Variants in CPAMD8 observed in about 807,000 individuals in gnomAD.
CPAMD8 encodes the protein C3 and PZP-like alpha-2-macroglobulin domain-containing protein 8.
In CPAMD8, 146 loss-of-function variants were observed where a neutral mutation model predicts 224.7. That is an observed-to-expected ratio of 0.65 (90% CI 0.57 to 0.75). CPAMD8 has a LOEUF of 0.75. Among genes scored for constraint, CPAMD8 ranks in the 30% least tolerant of loss-of-function variants. The probability of loss-of-function intolerance (pLI) is 0.00; values close to 1 mark genes in which losing one functional copy is unlikely to be tolerated. For synonymous variants in CPAMD8, 966 were observed against 1,044.6 expected, an observed-to-expected ratio of 0.92 and a Z score of 1.45; for missense variants, 2,301 against 2,537.5, an observed-to-expected ratio of 0.91 and a Z score of 2.00.
chr19:16,936,659 G>A (rs1251008802), intron 23 of CPAMD8, among the ~76,000 whole-genome samples: 10 of 151,914 alleles, frequency 6.6e-5, no homozygotes, highest in Non-Finnish European at 1.2e-4. Flanking sequence ...CACCTGCCTC[G>A]GCCTCCCAAA....
intron 12 of CPAMD8, among the ~76,000 whole-genome samples, chr19:16,991,663 T>C (rs1318737032): frequency 1.3e-5 from 2 of 151,994 alleles, no homozygotes; most frequent in African/African-American, 4.8e-5. Flanking sequence ...AAGACCAGCT[T>C]GACCAATATA....
intron 3 of CPAMD8, among the ~76,000 whole-genome samples, chr19:17,013,199 C>T (rs1273288044): frequency 6.6e-6 from 1 of 150,436 alleles, no homozygotes; most frequent in Non-Finnish European, 1.5e-5. Context: ...AATAAATAAA[C>T]AAATAATACA....
At chr19:17,023,717 G>C (rs1263057746) in intron 1 of CPAMD8, among the ~76,000 whole-genome samples, 1 of 152,082 alleles carries the variant, frequency 6.6e-6, no homozygotes, top group Non-Finnish European at 1.5e-5. Flanking sequence ...GAGTAGCTGG[G>C]ACTACAGGCG....
At chr19:16,944,270 T>C (rs1011936367) in intron 22 of CPAMD8, among the ~76,000 whole-genome samples, 9 of 152,204 alleles carry the variant, frequency 5.9e-5, no homozygotes, top group African/African-American at 1.9e-4. Context: ...AAATTGCTTT[T>C]CTAATTGTAG....
intron 14 of CPAMD8, among the ~76,000 whole-genome samples, chr19:16,978,746 TATCC>T (rs1465799002): frequency 6.6e-6 from 1 of 152,182 alleles, no homozygotes; most frequent in African/African-American, 2.4e-5. Flanking sequence ...TCTGTCTATC[TATCC>T]ATCCATCCAT....
In CPAMD8 at chr19:17,020,348, CT is replaced by C; in HGVS notation, c.249del (p.Thr85GlnfsTer16). ...VVQSQGAILD[K>X]GTIKLKVPTG... ...CGGCTTACCTTGAGTTTGATTGTCC[CT>C]TTATCTAAAAATGAAAATAAAATGA... On this transcript the variant is annotated frameshift_variant, in exon 3 of 42. Transcript: ENST00000443236. LOFTEE classifies it high-confidence loss of function. 6.3e-7 allele frequency: 1 copy of C among 1,584,872 alleles called. No homozygotes were observed. The highest frequency in any genetic ancestry group is 1.1e-5 in the South Asian group (1 of 90,266).
At position 17,011,745 on chromosome 19, in the gene CPAMD8, G is replaced by A; in HGVS notation, c.280C>T (p.Leu94Phe). ...GTIKLKVPTG[L>F]RGQALLKVWG... ...ACTTTCAGAAGCGCTTGGCCCCGGAGGCCCGTGGGCACCTGCAGGCAGAGG... is the reference window on the plus strand; with the variant it reads ...ACTTTCAGAAGCGCTTGGCCCCGGAAGCCCGTGGGCACCTGCAGGCAGAGG... Residue 94 changes from leucine (L) to phenylalanine (F), a missense_variant, in exon 4 of 42, where the codon CTC (leucine) becomes TTC (phenylalanine). Physicochemically the swap from Leu to Phe is conservative, Grantham distance 22. This residue lies in a region of CPAMD8 where 283 missense variants were observed against 340.6 expected (regional missense o/e 0.83). Coordinates refer to ENST00000443236, the MANE Select transcript of CPAMD8 (RefSeq NM_015692.5). 2 of 1,613,522 alleles carry A rather than the reference G, an allele frequency of 1.2e-6. No homozygotes were observed. The highest frequency in any genetic ancestry group is 1.1e-5 in the South Asian group (1 of 91,012).
chr19:16,946,187 G>A (rs1396467500), intron 21 of CPAMD8, among the ~76,000 whole-genome samples: 1 of 151,090 alleles, frequency 6.6e-6, no homozygotes. Flanking sequence ...TTGTGTGTGT[G>A]TGTGCATGTC....
intron 2 of CPAMD8, among the ~76,000 whole-genome samples, chr19:17,021,318 T>G (rs974554098): frequency 6.6e-6 from 1 of 151,946 alleles, no homozygotes; most frequent in Non-Finnish European, 1.5e-5. Flanking sequence ...AAGTCAGGAG[T>G]GCCTGGTTCT....
Position 16,925,188 on chromosome 19 carries a change from C to A in CPAMD8, c.3547+8G>T. 1 of 1,613,960 alleles carries A rather than the reference C, an allele frequency of 6.2e-7. No homozygotes were observed. Among genetic ancestry groups the A allele is most frequent in the Non-Finnish European group, 8.5e-7 (1 of 1,179,942 alleles). On this transcript the variant is annotated splice_region_variant and intron_variant, in intron 26 of 41. Coordinates refer to ENST00000443236, the MANE Select transcript of CPAMD8 (RefSeq NM_015692.5). ...CCCACCTCAACCCAGGCACTTCTTC[C>A]CCAATACCTTGTACTAGGTAGTCGG...
At chr19:16,947,332 C>G in intron 20 of CPAMD8, 105 bp from the exon 21 acceptor site, 2 of 1,365,234 alleles carry the variant, frequency 1.5e-6, no homozygotes, top group Non-Finnish European at 2.0e-6. Context: ...CCAGACTTGT[C>G]AGCCTCCCAA....
intron 29 of CPAMD8, among the ~76,000 whole-genome samples, chr19:16,913,405 G>C (rs2052803264): frequency 6.6e-6 from 1 of 152,018 alleles, no homozygotes. Flanking sequence ...TATATGAAGA[G>C]GAAGAGCACT....
At chr19:16,893,417 G>A (rs1375132636) in intron 41 of CPAMD8, 78 bp from the exon 42 acceptor site, 3 of 1,017,548 alleles carry the variant, frequency 2.9e-6, no homozygotes, top group Admixed American at 2.6e-5. Flanking sequence ...GGAGCCACAG[G>A]GCCTGTCGCT....
chr19:16,958,794 CTTT>C (rs894430046), intron 18 of CPAMD8, among the ~76,000 whole-genome samples: 1 of 142,278 alleles, frequency 7.0e-6, no homozygotes, highest in Non-Finnish European at 1.6e-5. Context: ...TATTTTTTTA[CTTT>C]TTTTTTCTTT....
rs529692197 is a variant in CPAMD8 at position 16,977,236 on chromosome 19, T to C, written c.1758+132A>G. 9.6e-5 allele frequency: 63 copies of C among 654,638 alleles called. No individual in the cohort carries two copies. In the East Asian group the frequency reaches 1.5e-3, roughly 16 times the overall value. The allele number at this position is 654,638 out of a possible 1,614,324, so 40.6% of individuals were successfully genotyped here. On this transcript the variant is annotated intron_variant, in intron 15 of 41. Transcript: ENST00000443236. ...GATGCTTCAGTAAAGATGCAACTCA[T>C]GTTCCCATAATTCCTTACATCATGC... is the stretch of plus-strand genomic sequence containing the variant.
At chr19:16,984,853 A>C (rs2055656646) in intron 13 of CPAMD8, among the ~76,000 whole-genome samples, 1 of 152,228 alleles carries the variant, frequency 6.6e-6, no homozygotes, top group Admixed American at 6.5e-5. Context: ...AACCAAGTAC[A>C]TACACATGGG....
chr19:17,007,444 G>A (rs2056523216), intron 7 of CPAMD8, among the ~76,000 whole-genome samples: 1 of 151,766 alleles, frequency 6.6e-6, no homozygotes, highest in African/African-American at 2.4e-5. Context: ...GAGGAGGAAA[G>A]AAGAAGGAAG....
chr19:16,919,221 AG>A (rs2053078365), intron 27 of CPAMD8, among the ~76,000 whole-genome samples: 1 of 147,098 alleles, frequency 6.8e-6, no homozygotes, highest in Non-Finnish European at 1.5e-5. Flanking sequence ...AAAAAAAAAA[AG>A]GAATAGAATA....
chr19:17,012,942 G>A (rs954132915), intron 3 of CPAMD8, among the ~76,000 whole-genome samples: 4 of 152,028 alleles, frequency 2.6e-5, no homozygotes, highest in African/African-American at 9.7e-5. Flanking sequence ...AGCACTTTGG[G>A]GAGGCTGGGG....
Sources: allele counts gnomAD v4.1 joint callset (sites outside exome capture counted in the v4.1 genomes callset), GRCh38; gene constraint gnomAD v4.1.1; regional missense constraint gnomAD v4.1.1; transcripts MANE v1.5; gene names NCBI Gene and HGNC (gene_info 2026-07-23, HGNC 2026-07-21).